Variants in RBFOX3 observed in about 807,000 individuals in gnomAD.
RBFOX3 encodes the protein RNA binding protein fox-1 homolog 3.
In RBFOX3, 17 loss-of-function variants were observed where a neutral mutation model predicts 48.7. The ratio of observed to expected loss-of-function variants is 0.35; its 90% CI spans 0.24 to 0.52. The LOEUF is 0.52. Among genes scored for constraint, RBFOX3 ranks in the 20% least tolerant of loss-of-function variants. RBFOX3 has a pLI of 0.94. For missense variants in RBFOX3, 382 were observed against 497.5 expected, an observed-to-expected ratio of 0.77 and a Z score of 2.21; for synonymous variants, 212 against 209.5, an observed-to-expected ratio of 1.01 and a Z score of -0.10.
intron 1 of RBFOX3, among the ~76,000 whole-genome samples, chr17:79,522,258 T>C (rs1398082686): frequency 6.6e-6 from 1 of 152,150 alleles, no homozygotes; most frequent in African/African-American, 2.4e-5. Flanking sequence ...TTTCTAGAAA[T>C]TGCTCTAACC....
At chr17:79,611,169 T>TCGCTCTCGCTCTCGCTCTCG (rs1359138866), upstream of RBFOX3, among the ~76,000 whole-genome samples, 21 of 25,926 alleles carry the variant, frequency 8.1e-4, 6 homozygotes, top group Admixed American at 1.8e-3. Flanking sequence ...TCTCTCTCTC[T>TCGCTCTCGCTCTCGCTCTCG]CTCTCCGCCC....
Position 79,380,504 on chromosome 17 carries a change from G to A in RBFOX3, c.-174-72680C>T, listed in dbSNP as rs1439856482. On this transcript the variant is annotated intron_variant, in intron 2 of 14. Transcript: ENST00000693108. Reference sequence around the variant, plus strand: ...CCTGGGAGAGGGCTGCACAACCCCTGGGGTCTGCCCAGAGCCTCCTTGGCC... The same window carrying A: ...CCTGGGAGAGGGCTGCACAACCCCTAGGGTCTGCCCAGAGCCTCCTTGGCC... Among the ~76,000 whole-genome samples the A allele has an allele frequency of 1.1e-4, 17 of 151,620 alleles. No homozygotes were observed. The East Asian group carries it at 3.1e-3, about 28-fold the overall frequency.
At chr17:79,330,375 C>T (rs1335870066) in intron 2 of RBFOX3, among the ~76,000 whole-genome samples, 5 of 152,130 alleles carry the variant, frequency 3.3e-5, no homozygotes, top group African/African-American at 7.2e-5. Context: ...ACACAGGAGT[C>T]CCCCCAGTTT....
Position 79,090,746 on chromosome 17 carries a change from T to C in RBFOX3, c.*137A>G, listed in dbSNP as rs1187425318. On this transcript the variant is annotated 3_prime_UTR_variant, in exon 15 of 15. Transcript: ENST00000693108. The stretch of plus-strand genomic sequence containing the variant: ...GCCAGGACGCGGGACTTGGACTTGG[T>C]TGGATGCCTCTTGGTTTGGTTGGTT... 1.8e-6 allele frequency: 2 copies of C among 1,101,028 alleles called. No homozygotes were observed. Among genetic ancestry groups the C allele is most frequent in the Admixed American group, 2.8e-5 (1 of 35,576 alleles). 68.2% of individuals were successfully genotyped at this position (1,101,028 alleles called of 1,614,324 possible).
chr17:79,262,367 G>A (rs564706305), intron 3 of RBFOX3, among the ~76,000 whole-genome samples: 49 of 152,362 alleles, frequency 3.2e-4, no homozygotes, highest in African/African-American at 8.4e-4. Flanking sequence ...ATGACCCTGC[G>A]CAAGCAGATC....
chr17:79,467,988 C>T (rs1170147231), intron 2 of RBFOX3, among the ~76,000 whole-genome samples: 3 of 152,048 alleles, frequency 2.0e-5, no homozygotes, highest in South Asian at 4.1e-4. Context: ...CTCCAACACC[C>T]GAGGCAGACG....
intron 2 of RBFOX3, among the ~76,000 whole-genome samples, chr17:79,315,122 T>C (rs1259966255): frequency 6.6e-6 from 1 of 152,208 alleles, no homozygotes; most frequent in South Asian, 2.1e-4. Flanking sequence ...CACAGTGTTT[T>C]CTATGATTAG....
At chr17:79,648,625 G>A in the RBFOX3 span, among the ~76,000 whole-genome samples, 1 of 151,888 alleles carries the variant, frequency 6.6e-6, no homozygotes, top group Non-Finnish European at 1.5e-5. Context: ...CGTTGGGGCC[G>A]ATGGGGGCAT....
intron 3 of RBFOX3, among the ~76,000 whole-genome samples, chr17:79,244,847 A>C (rs1428839587): frequency 3.8e-4 from 38 of 101,176 alleles, no homozygotes; most frequent in East Asian, 8.7e-4. Flanking sequence ...TCCTTCTTTC[A>C]TTCTCCTTCC....
At chr17:79,614,902 C>T (rs928428366), upstream of RBFOX3, among the ~76,000 whole-genome samples, 9 of 151,940 alleles carry the variant, frequency 5.9e-5, no homozygotes, top group Non-Finnish European at 4.4e-5. Flanking sequence ...ATTCTAACCC[C>T]GACCCCCATA....
chr17:79,092,747 T>G (rs1014755755), intron 14 of RBFOX3: 2 of 578,108 alleles, frequency 3.5e-6, no homozygotes, highest in Admixed American at 1.3e-4. Flanking sequence ...AATAGCCAAG[T>G]CTCGATTTCT....
chr17:79,097,179 C>T (rs543455413), intron 11 of RBFOX3, 113 bp downstream of exon 11: 125 of 892,234 alleles, frequency 1.4e-4, no homozygotes, highest in South Asian at 8.1e-4. Context: ...ATCCTCCCCC[C>T]CCCCAGGTCT....
At chr17:79,336,203 A>G (rs1039288739) in intron 2 of RBFOX3, among the ~76,000 whole-genome samples, 9 of 152,058 alleles carry the variant, frequency 5.9e-5, no homozygotes, top group African/African-American at 2.2e-4. Context: ...CCTGGCCAAC[A>G]TGACGAAAAC....
rs1351810715 is a variant in RBFOX3, at chr17:79,362,595, A to G, written c.-174-54771T>C. Among the ~76,000 whole-genome samples the G allele has an allele frequency of 4.6e-5, 7 of 152,198 alleles. No homozygotes were observed. Among genetic ancestry groups the G allele is most frequent in the African/African-American group, 1.7e-4 (7 of 41,456 alleles). Reference sequence around the variant, plus strand: ...TATGTCCCGCGTGTGAGGGGCCCAGAGGCCTCTTTGCAAAGCTTGAATACC... The same window carrying G: ...TATGTCCCGCGTGTGAGGGGCCCAGGGGCCTCTTTGCAAAGCTTGAATACC... On this transcript the variant is annotated intron_variant, in intron 2 of 14. Coordinates refer to ENST00000693108, the MANE Select transcript of RBFOX3 (RefSeq NM_001350451.2). This position sits in a 1 kb window ranked among gnomAD's most constrained non-coding sequence, Gnocchi z 4.2.
chr17:79,655,512 A>C, the RBFOX3 span, among the ~76,000 whole-genome samples: 42 of 152,352 alleles, frequency 2.8e-4, 1 homozygote, highest in East Asian at 4.4e-3. Flanking sequence ...CTGAAAGCCT[A>C]AAGTTTTACC....
At chr17:79,602,878 A>G (rs938537405) in intron 1 of RBFOX3, among the ~76,000 whole-genome samples, 3 of 151,670 alleles carry the variant, frequency 2.0e-5, no homozygotes, top group Non-Finnish European at 4.4e-5. Flanking sequence ...CCTCTCCCTC[A>G]TGGGAAATCC....
chr17:79,606,603 T>G (rs1157734892), intron 1 of RBFOX3, among the ~76,000 whole-genome samples: 1 of 152,242 alleles, frequency 6.6e-6, no homozygotes, highest in East Asian at 1.9e-4. Flanking sequence ...GAAACTGTGA[T>G]AGCAAACTAA....
chr17:79,277,816 C>T (rs1208182638), intron 3 of RBFOX3, among the ~76,000 whole-genome samples: 1 of 152,214 alleles, frequency 6.6e-6, no homozygotes, highest in East Asian at 1.9e-4. Flanking sequence ...ACAGCGTGTG[C>T]AAACACAGAG....
At chr17:79,627,240 C>A in the RBFOX3 span, among the ~76,000 whole-genome samples, 466 of 152,276 alleles carry the variant, frequency 3.1e-3, 3 homozygotes, top group African/African-American at 0.011. Flanking sequence ...TGACTTTGAC[C>A]AGTGCCTCCA....
Sources: gnomAD v4.1 joint callset for allele counts (sites outside exome capture counted in the v4.1 genomes callset) on GRCh38, gnomAD v4.1.1 for gene constraint, Gnocchi (gnomAD v3.1) non-coding constraint, MANE v1.5 for transcripts, NCBI Gene and HGNC (gene_info 2026-07-23, HGNC 2026-07-21) for gene names.